ARL3: variants seen among roughly 807,000 people sequenced by gnomAD.
The protein encoded by ARL3 is ARF like GTPase 3, also known as ADP-ribosylation factor-like protein 3.
A neutral mutation model predicts 26.0 loss-of-function variants in ARL3; 9 were observed. The observed-to-expected ratio is 0.35, with a 90% confidence interval of 0.21 to 0.60. The LOEUF (loss-of-function observed/expected upper bound fraction) is 0.60. Among genes scored for constraint, ARL3 ranks in the 20% least tolerant of loss-of-function variants. The pLI, the probability that ARL3 is intolerant of heterozygous loss-of-function variation, is 0.78. For missense variants in ARL3, 158 were observed against 215.7 expected (o/e 0.73, Z 1.67); for synonymous variants, 71 against 78.4 (o/e 0.91, Z 0.50).
chr10:102,694,400 A>G (rs2064236568), intron 3 of ARL3, among the ~76,000 whole-genome samples: 1 of 152,064 alleles, frequency 6.6e-6, no homozygotes, highest in Admixed American at 6.6e-5. Context: ...ATGTTCTCCT[A>G]TGTTGTCTTC....
In ARL3 at chr10:102,675,546, G is replaced by A. The variant is rs1318426346; in HGVS notation, c.*1348C>T. 6.6e-6 allele frequency: 1 copy of A among 152,168 alleles called. No homozygotes were observed. Among genetic ancestry groups the A allele is most frequent in the Non-Finnish European group, 1.5e-5 (1 of 68,034 alleles). The allele number at this position is 152,168 out of a possible 1,614,324, so 9.4% of individuals were successfully genotyped here. A position where few individuals can be genotyped will look rare whatever the true frequency, so the allele number is the denominator to read the frequency against. On this transcript the variant is annotated 3_prime_UTR_variant, in exon 6 of 6. Transcript: ENST00000260746. ...GGCACCAGAACAGAGTTTAATTCAG[G>A]AGCCGGGCAATGCTCTGGCCTGTTT...
At chr10:102,698,796 T>C (rs929617312) in intron 3 of ARL3, among the ~76,000 whole-genome samples, 11 of 152,204 alleles carry the variant, frequency 7.2e-5, no homozygotes, top group African/African-American at 2.7e-4. Flanking sequence ...TACTGGACGA[T>C]TGTAATTATA....
At chr10:102,699,846 C>T (rs563924337) in intron 2 of ARL3, among the ~76,000 whole-genome samples, 3 of 152,128 alleles carry the variant, frequency 2.0e-5, no homozygotes, top group African/African-American at 7.2e-5. Context: ...CAGGACATTT[C>T]ATGTAACTAA....
chr10:102,706,674 G>A (rs907409042), intron 1 of ARL3, among the ~76,000 whole-genome samples: 1 of 151,568 alleles, frequency 6.6e-6, no homozygotes, highest in Non-Finnish European at 1.5e-5. Context: ...ATTAACCAAG[G>A]AATTTTTTAC....
At chr10:102,684,230 G>A (rs1204020590) in intron 5 of ARL3, among the ~76,000 whole-genome samples, 1 of 151,710 alleles carries the variant, frequency 6.6e-6, no homozygotes, top group East Asian at 1.9e-4. Flanking sequence ...CTCATTGCAA[G>A]CTCCGCCTCC....
At chr10:102,694,309 CATTT>C (rs1235491882) in intron 3 of ARL3, among the ~76,000 whole-genome samples, 3 of 152,154 alleles carry the variant, frequency 2.0e-5, no homozygotes, top group African/African-American at 7.2e-5. Context: ...GTTTTAAATT[CATTT>C]AAGTCCAATT....
At chr10:102,694,375 C>T (rs1171259389) in intron 3 of ARL3, among the ~76,000 whole-genome samples, 2 of 152,220 alleles carry the variant, frequency 1.3e-5, no homozygotes, top group East Asian at 3.8e-4. Context: ...CATCACCAAA[C>T]TCAAGGTCAC....
Position 102,686,062 on chromosome 10 carries a change from C to T in ARL3, c.316-61G>A, listed in dbSNP as rs2064182927. ...AATCTATACATCTATGATATTTAAC[C>T]ATACACTACTTTTTTTTTTTTTTTT... On this transcript the variant is annotated intron_variant, in intron 4 of 5. Coordinates refer to ENST00000260746, the MANE Select transcript of ARL3 (RefSeq NM_004311.4). 4.0e-6 allele frequency: 5 copies of T among 1,260,916 alleles called. No homozygotes were observed. The Admixed American group carries it at 7.1e-5, about 18-fold the overall frequency. The allele number at this position is 1,260,916 out of a possible 1,614,324, so 78.1% of individuals were successfully genotyped here. A position where few individuals can be genotyped will look rare whatever the true frequency, so the allele number is the denominator to read the frequency against.
intron 3 of ARL3, among the ~76,000 whole-genome samples, chr10:102,692,546 G>A (rs1224838419): frequency 6.6e-6 from 1 of 151,860 alleles, no homozygotes; most frequent in Non-Finnish European, 1.5e-5. Flanking sequence ...TTCTCGAGGA[G>A]CTGGGATTAC....
chr10:102,711,326 GTGTGTGTGTGTATA>G (rs2064337889), intron 1 of ARL3, among the ~76,000 whole-genome samples: 2 of 27,624 alleles, frequency 7.2e-5, no homozygotes, highest in African/African-American at 1.9e-4. Context: ...GTGTGTGTGT[GTGTGTGTGTGTATA>G]TATATATATA....
At chr10:102,684,055 C>T (rs560445748) in intron 5 of ARL3, among the ~76,000 whole-genome samples, 2 of 152,324 alleles carry the variant, frequency 1.3e-5, no homozygotes, top group South Asian at 4.1e-4. Context: ...GCTGTACTTG[C>T]ACTTTCTTAC....
chr10:102,709,559 A>T (rs1265192967), intron 1 of ARL3, among the ~76,000 whole-genome samples: 1 of 145,452 alleles, frequency 6.9e-6, no homozygotes, highest in African/African-American at 2.5e-5. Flanking sequence ...AGACAGAAGG[A>T]TGGCTTGAGC....
chr10:102,708,377 T>C lies in ARL3; in HGVS notation c.4-2888A>G, dbSNP rs1051810146. Among the ~76,000 whole-genome samples, 4 of 152,114 alleles carry C rather than the reference T, an allele frequency of 2.6e-5. No individual in the cohort carries two copies. In the East Asian group the frequency reaches 7.7e-4, roughly 29 times the overall value. On this transcript the variant is annotated intron_variant, in intron 1 of 5. Coordinates refer to ENST00000260746, the MANE Select transcript of ARL3 (RefSeq NM_004311.4). ...ATAAAAAGGCTAAGAGGAAAACCCA[T>C]TTTACTACTCATCCTGAGTTCCTGA...
chr10:102,710,615 C>G (rs2064333409), intron 1 of ARL3, among the ~76,000 whole-genome samples: 1 of 152,122 alleles, frequency 6.6e-6, no homozygotes, highest in African/African-American at 2.4e-5. Flanking sequence ...GCCCCAAGTA[C>G]AACAGTGAGC....
intron 5 of ARL3, among the ~76,000 whole-genome samples, chr10:102,683,952 C>T (rs571366885): frequency 3.9e-5 from 6 of 152,178 alleles, no homozygotes; most frequent in Non-Finnish European, 4.4e-5. Context: ...TTTTTCACAT[C>T]GCTAAGGCTG....
At chr10:102,702,831 T>C (rs567107158) in intron 2 of ARL3, among the ~76,000 whole-genome samples, 11 of 152,192 alleles carry the variant, frequency 7.2e-5, no homozygotes, top group Non-Finnish European at 1.2e-4. Context: ...GCAGTTGAAA[T>C]GACTTTTCCA....
chr10:102,680,328 A>G (rs2064150184), intron 5 of ARL3, among the ~76,000 whole-genome samples: 1 of 152,154 alleles, frequency 6.6e-6, no homozygotes, highest in Non-Finnish European at 1.5e-5. Context: ...CGGTATGAAT[A>G]GTCCTCCCTT....
At chr10:102,704,514 C>T (rs1490796602) in intron 2 of ARL3, among the ~76,000 whole-genome samples, 2 of 152,112 alleles carry the variant, frequency 1.3e-5, no homozygotes, top group Admixed American at 6.6e-5. Context: ...GCGGTGTGCG[C>T]CTGTAATCCC....
chr10:102,687,174 C>T (rs1202240474), intron 4 of ARL3, among the ~76,000 whole-genome samples: 3 of 151,694 alleles, frequency 2.0e-5, no homozygotes, highest in African/African-American at 4.8e-5. Flanking sequence ...CCACCGCGCC[C>T]GGCATAGGAA....
Sources: gnomAD v4.1 joint callset for allele counts (sites outside exome capture counted in the v4.1 genomes callset) on GRCh38, gnomAD v4.1.1 for gene constraint, MANE v1.5 for transcripts, NCBI Gene and HGNC (gene_info 2026-07-23, HGNC 2026-07-21) for gene names.